The following ENTPD8 variants were observed in gnomAD, a reference collection of about 807,000 sequenced individuals.
The protein encoded by ENTPD8 is ectonucleoside triphosphate diphosphohydrolase 8.
ENTPD8 carries 35 observed loss-of-function variants against 47.0 expected under a neutral mutation model. The observed-to-expected ratio is 0.75, with a 90% CI of 0.57 to 0.99. The LOEUF (loss-of-function observed/expected upper bound fraction) is 0.99, where lower values mean the gene tolerates loss of function less well. ENTPD8 is among the 50% of genes least tolerant of loss of function. The pLI, the probability that ENTPD8 is intolerant of heterozygous loss-of-function variation, is 0.00. For synonymous variants in ENTPD8, 308 were observed against 290.5 expected, an observed-to-expected ratio of 1.06 and a Z score of -0.61; for missense variants, 668 against 649.9, an observed-to-expected ratio of 1.03 and a Z score of -0.30.
chr9:137,435,403 C>T, intron 8 of ENTPD8, 65 bp from the exon 9 acceptor site: 1 of 1,557,956 alleles, frequency 6.4e-7, no homozygotes, highest in Non-Finnish European at 8.7e-7. Context: ...GGGGACCGCC[C>T]CATCTGTCCT....
chr9:137,435,468 C>T (rs1839317975), intron 8 of ENTPD8, 130 bp from the exon 9 acceptor site: 4 of 1,421,546 alleles, frequency 2.8e-6, no homozygotes, highest in South Asian at 1.4e-5. Context: ...TAGAGAGCCC[C>T]TCCCTGGCCC....
chr9:137,435,545 G>A (rs28558849), intron 8 of ENTPD8, among the ~76,000 whole-genome samples, 174 bp downstream of exon 8: 34,721 of 152,220 alleles, frequency 0.23, 4,326 homozygotes, highest in East Asian at 0.49. Context: ...GCCCAGCTGC[G>A]GCCGTGGCCA....
Position 137,434,406 on chromosome 9 carries a change from A to G in ENTPD8, c.*508T>C. On this transcript the variant is annotated 3_prime_UTR_variant, in exon 10 of 10. Coordinates refer to ENST00000371506, the MANE Select transcript of ENTPD8 (RefSeq NM_001033113.2). ...TTTTAATAAAAACAACCCCCACTGC[A>G]GTCTCACCCTCCAAGTGGGTGTGGG... 6.6e-7 allele frequency: 1 copy of G among 1,523,806 alleles called. No individual in the cohort carries two copies. The highest frequency in any genetic ancestry group is 8.8e-7 in the Non-Finnish European group (1 of 1,135,570). The allele number at this position is 1,523,806 out of a possible 1,614,324, so 94.4% of individuals were successfully genotyped here.
At chr9:137,437,705 G>A (rs1018329861) in intron 3 of ENTPD8, among the ~76,000 whole-genome samples, 1 of 152,192 alleles carries the variant, frequency 6.6e-6, no homozygotes, top group African/African-American at 2.4e-5. Context: ...GAGCACCAGG[G>A]GCCAGAGAGG....
At position 137,437,028 on chromosome 9, in the gene ENTPD8, G is replaced by C. The variant is rs370632675; in HGVS notation, c.396C>G (p.Ser132Arg). Residue 132 changes from serine (S) to arginine (R), a missense_variant and splice_region_variant, in exon 5 of 10, where the codon AGC becomes AGG. Physicochemically the swap from Ser to Arg is moderately radical, Grantham distance 110 (BLOSUM62 -1). Transcript: ENST00000371506. ...CCCTGGCCTGAGAGCTGTTCTTCCG[G>C]CTGGGCACAGAGGACCAGGGGCTGG... Reference protein sequence around the residue: ...LGATAGMRLLSRKNSSQARDI... With the variant: ...LGATAGMRLLRRKNSSQARDI... The C allele has an allele frequency of 9.6e-5, 154 of 1,611,954 alleles. No individual in the cohort carries two copies. Among genetic ancestry groups the C allele is most frequent in the Non-Finnish European group, 1.3e-4 (152 of 1,179,382 alleles).
intron 8 of ENTPD8, 28 bp downstream of exon 8, chr9:137,435,691 G>A: frequency 1.3e-6 from 2 of 1,588,862 alleles, no homozygotes; most frequent in Middle Eastern, 1.7e-4. Context: ...GACCCTCGCT[G>A]CAGCCAGGGA....
intron 1 of ENTPD8, among the ~76,000 whole-genome samples, chr9:137,440,211 C>A (rs1465041763): frequency 2.5e-5 from 2 of 81,448 alleles, no homozygotes; most frequent in Admixed American, 1.1e-4. Flanking sequence ...CCAGGACAGC[C>A]CCCCCAGACC....
rs767722283 is a variant in ENTPD8 at position 137,436,719 on chromosome 9, C to T, written c.588G>A (p.Pro196=). 12 of 1,600,078 alleles carry T rather than the reference C, an allele frequency of 7.5e-6. No homozygotes were observed. Among genetic ancestry groups the T allele is most frequent in the South Asian group, 3.3e-5 (3 of 89,786 alleles). ...YSFTGEWIQP[P]EEMLVGALDM... ...CCAGGGCACCCACCAGCATCTCCTC[C>T]GGAGGCTGGATCCATTCTCCAGTGA... The change falls in exon 6 of 10, where the codon CCG becomes CCA. Residue 196 remains proline (P), a synonymous_variant. Transcript: ENST00000371506.
Position 137,438,212 on chromosome 9 carries a change from A to G in ENTPD8, c.74T>C (p.Leu25Pro), listed in dbSNP as rs1285000687. 2 of 1,606,902 alleles carry G rather than the reference A, an allele frequency of 1.2e-6. No homozygotes were observed. Among genetic ancestry groups the G allele is most frequent in the African/African-American group, 2.7e-5 (2 of 74,790 alleles). Residue 25 changes from leucine to proline, a missense_variant, in exon 2 of 10, where the codon CTC (leucine) becomes CCC (proline). By Grantham distance (98) the Leu-to-Pro change is moderately conservative (BLOSUM62 -3). Transcript: ENST00000371506. The surrounding 1 kb of genome is among the most constrained non-coding windows in gnomAD (Gnocchi z 5.7). The part of the protein sequence containing the change: ...GASGVSGLTA[L>P]ILLLVEATSV... ...GGTGGCCTCCACCAGGAGGAGAATG[A>G]GTGCCGTGAGGCCTGAGACCCCCGA... is the stretch of plus-strand genomic sequence containing the variant.
At position 137,434,387 on chromosome 9, in the gene ENTPD8, TA is replaced by T; in HGVS notation, c.*526del. 1 of 1,541,238 alleles carries T rather than the reference TA, an allele frequency of 6.5e-7. No homozygotes were observed. The highest frequency in any genetic ancestry group is 1.2e-5 in the South Asian group (1 of 83,626). On this transcript the variant is annotated 3_prime_UTR_variant, in exon 10 of 10. Coordinates refer to ENST00000371506, the MANE Select transcript of ENTPD8 (RefSeq NM_001033113.2). ...GATGCTGTGTCCATGATGCTTTTAA[TA>T]AAAACAACCCCCACTGCAGTCTCAC... is the stretch of plus-strand genomic sequence containing the variant.
chr9:137,435,443 G>A (rs1839317298), intron 8 of ENTPD8, 105 bp from the exon 9 acceptor site: 2 of 1,486,912 alleles, frequency 1.3e-6, no homozygotes, highest in East Asian at 4.7e-5. Flanking sequence ...ACAACAAGAG[G>A]GTGCCGGGCA....
In ENTPD8 at chr9:137,434,853, C is replaced by G. The variant is rs1839292577; in HGVS notation, c.*61G>C. ...CCCACGGCGCTCAGGGCTCAGGAAGCCTCCAGCATCCGGGACGCAGCTGCC... is the reference window on the plus strand; with the variant it reads ...CCCACGGCGCTCAGGGCTCAGGAAGGCTCCAGCATCCGGGACGCAGCTGCC... On this transcript the variant is annotated 3_prime_UTR_variant, in exon 10 of 10. Coordinates refer to ENST00000371506, the MANE Select transcript of ENTPD8 (RefSeq NM_001033113.2). The G allele has an allele frequency of 6.7e-7, 1 of 1,502,778 alleles. No homozygotes were observed. The highest frequency in any genetic ancestry group is 8.9e-7 in the Non-Finnish European group (1 of 1,124,614). The allele number at this position is 1,502,778 out of a possible 1,614,324, so 93.1% of individuals were successfully genotyped here. A position where few individuals can be genotyped will look rare whatever the true frequency, so the allele number is the denominator to read the frequency against.
chr9:137,436,099 C>T lies in ENTPD8; in HGVS notation c.964G>A (p.Glu322Lys), dbSNP rs754542903. The change falls in exon 7 of 10, where the codon GAA (glutamate) becomes AAA (lysine). Residue 322 changes from glutamate (E) to lysine (K), a missense_variant. Glu to Lys is a moderately conservative substitution (Grantham distance 56, BLOSUM62 1). Transcript: ENST00000371506. ...NPGACVSAIRELFNFSSCQGQ... is the reference protein window; with the variant it reads ...NPGACVSAIRKLFNFSSCQGQ... ...TGGCAGCTGGAGAAGTTGAAAAGTT[C>T]CCGGATGGCTGAGACGCAGGCTCCA... 6.2e-7 allele frequency: 1 copy of T among 1,613,040 alleles called. No individual in the cohort carries two copies.
rs1346309131 is a variant in ENTPD8, at chr9:137,436,208, G to A, written c.855C>T (p.Gly285=). The part of the protein sequence containing the change: ...LSGYQTTLAL[G]PLYESPCVHA... Reference sequence around the variant, plus strand: ...GGACACAGGGTGACTCATACAGCGGGCCCAGGGCCAGTGTGGTCTGGTAGC... The same window carrying A: ...GGACACAGGGTGACTCATACAGCGGACCCAGGGCCAGTGTGGTCTGGTAGC... Residue 285 remains glycine (G), a synonymous_variant, in exon 7 of 10, where the codon GGC becomes GGT. Transcript: ENST00000371506. 6.2e-7 allele frequency: 1 copy of A among 1,612,178 alleles called. No homozygotes were observed. The highest frequency in any genetic ancestry group is 8.5e-7 in the Non-Finnish European group (1 of 1,179,494).
In ENTPD8 at chr9:137,438,798, C is replaced by T. The variant is rs1839440052; in HGVS notation, c.-20-493G>A. Among the ~76,000 whole-genome samples, 1 of 152,116 alleles carries T rather than the reference C, an allele frequency of 6.6e-6. No homozygotes were observed. The highest frequency in any genetic ancestry group is 1.5e-5 in the Non-Finnish European group (1 of 67,956). On this transcript the variant is annotated intron_variant, in intron 1 of 9. Transcript: ENST00000371506. This position sits in a 1 kb window ranked among gnomAD's most constrained non-coding sequence, Gnocchi z 5.7. ...GCAGAGGCCTCGTCTGGGGACACAG[C>T]CCCAGCAGGATCCAAGTAGCCCCCT...
intron 8 of ENTPD8, 31 bp downstream of exon 8, chr9:137,435,688 G>C: frequency 6.3e-7 from 1 of 1,582,868 alleles, no homozygotes; most frequent in South Asian, 1.1e-5. Flanking sequence ...AGGGACCCTC[G>C]CTGCAGCCAG....
chr9:137,437,150 C>G lies in ENTPD8; in HGVS notation c.395+9G>C, dbSNP rs1376922882. On this transcript the variant is annotated intron_variant, in intron 4 of 9. Coordinates refer to ENST00000371506, the MANE Select transcript of ENTPD8 (RefSeq NM_001033113.2). Reference sequence around the variant, plus strand: ...CTCCCCGTGGGTGCCAAGGCCATGCCTGCCTCACCTGAGCAACCTCATGCC... The same window carrying G: ...CTCCCCGTGGGTGCCAAGGCCATGCGTGCCTCACCTGAGCAACCTCATGCC... 1 of 1,611,992 alleles carries G rather than the reference C, an allele frequency of 6.2e-7. No homozygotes were observed. Among genetic ancestry groups the G allele is most frequent in the Non-Finnish European group, 8.5e-7 (1 of 1,179,612 alleles).
Position 137,436,728 on chromosome 9 carries a change from G to C in ENTPD8, c.579C>G (p.Ile193Met), listed in dbSNP as rs760796087. The change falls in exon 6 of 10, where the codon ATC becomes ATG. Residue 193 changes from isoleucine (I) to methionine (M), a missense_variant. Ile to Met is a conservative substitution (Grantham distance 10). Transcript: ENST00000371506. ...CCACCAGCATCTCCTCCGGAGGCTG[G>C]ATCCATTCTCCAGTGAAGGAGTACT... ...LVKYSFTGEW[I>M]QPPEEMLVGA... 9 of 1,602,578 alleles carry C rather than the reference G, an allele frequency of 5.6e-6. No individual in the cohort carries two copies. Among genetic ancestry groups the C allele is most frequent in the Admixed American group, 1.7e-5 (1 of 58,156 alleles).
intron 7 of ENTPD8, 59 bp from the exon 8 acceptor site, chr9:137,435,888 C>T: frequency 6.2e-7 from 1 of 1,606,148 alleles, no homozygotes. Flanking sequence ...CAGATCCACC[C>T]CACCCGGGCT....
Sources: allele counts gnomAD v4.1 joint callset (sites outside exome capture counted in the v4.1 genomes callset), GRCh38; gene constraint gnomAD v4.1.1; non-coding constraint Gnocchi (gnomAD v3.1); transcripts MANE v1.5; gene names NCBI Gene and HGNC (gene_info 2026-07-23, HGNC 2026-07-21).